The following MACROD2 variants were observed in gnomAD, a reference collection of about 807,000 sequenced individuals.
MACROD2 encodes mono-ADP ribosylhydrolase 2.
In MACROD2, 36 loss-of-function variants were observed where a neutral mutation model predicts 70.4. That is an observed-to-expected ratio of 0.51 (90% CI 0.39 to 0.68). The LOEUF is 0.68. Among genes scored for constraint, MACROD2 ranks in the 30% least tolerant of loss-of-function variants. The pLI is 0.00. For missense variants in MACROD2, 496 were observed against 538.4 expected, an observed-to-expected ratio of 0.92 and a Z score of 0.78; for synonymous variants, 172 against 178.8, an observed-to-expected ratio of 0.96 and a Z score of 0.30.
At chr20:15,255,484 A>G (rs1430902352) in intron 6 of MACROD2, among the ~76,000 whole-genome samples, 1 of 152,094 alleles carries the variant, frequency 6.6e-6, no homozygotes, top group Admixed American at 6.6e-5. Context: ...GTATTTCAAA[A>G]TGAGGGAATT....
intron 5 of MACROD2, among the ~76,000 whole-genome samples, chr20:14,777,215 C>A (rs147587853): frequency 8.5e-5 from 13 of 152,094 alleles, no homozygotes; most frequent in Non-Finnish European, 1.8e-4. Context: ...TGTTTAGCAT[C>A]TTTTCGAAAG....
intron 12 of MACROD2, among the ~76,000 whole-genome samples, chr20:15,946,021 C>T (rs1329348555): frequency 6.6e-6 from 1 of 152,106 alleles, no homozygotes; most frequent in African/African-American, 2.4e-5. Flanking sequence ...CTGCTTGGTC[C>T]ACCTCATGAC....
intron 6 of MACROD2, among the ~76,000 whole-genome samples, chr20:15,261,324 G>A (rs1326559484): frequency 6.6e-6 from 1 of 151,802 alleles, no homozygotes; most frequent in Non-Finnish European, 1.5e-5. Flanking sequence ...TTTCAAAAGG[G>A]CCACTCTAGG....
chr20:15,779,622 T>G (rs571816918), intron 8 of MACROD2, among the ~76,000 whole-genome samples: 2 of 152,208 alleles, frequency 1.3e-5, no homozygotes, highest in East Asian at 3.9e-4. Context: ...CTCAGGGAAT[T>G]TAAGGTTGTT....
At chr20:14,140,484 C>T (rs910708929) in intron 3 of MACROD2, among the ~76,000 whole-genome samples, 1 of 152,182 alleles carries the variant, frequency 6.6e-6, no homozygotes, top group African/African-American at 2.4e-5. Flanking sequence ...ATTCATACAA[C>T]TAGAAAGGGG....
intron 3 of MACROD2, among the ~76,000 whole-genome samples, chr20:14,386,812 A>G (rs1316026293): frequency 1.3e-5 from 2 of 152,160 alleles, no homozygotes; most frequent in Non-Finnish European, 2.9e-5. Context: ...GTAGCAGTGC[A>G]AGAACAGCCT....
chr20:14,436,396 CT>C, intron 3 of MACROD2, among the ~76,000 whole-genome samples: 1 of 152,328 alleles, frequency 6.6e-6, no homozygotes, highest in African/African-American at 2.4e-5. Context: ...TTTAACACCT[CT>C]CCTGCTTCCC....
chr20:14,505,338 A>G (rs2084957070), intron 4 of MACROD2, among the ~76,000 whole-genome samples: 1 of 152,216 alleles, frequency 6.6e-6, no homozygotes, highest in Non-Finnish European at 1.5e-5. Flanking sequence ...TCTGGATAAT[A>G]TTTAGATTGG....
chr20:14,768,894 C>A (rs1020809928), intron 5 of MACROD2, among the ~76,000 whole-genome samples: 4 of 152,066 alleles, frequency 2.6e-5, no homozygotes, highest in Admixed American at 1.3e-4. Context: ...TTCTAAAGAG[C>A]ACCTTGAATT....
intron 5 of MACROD2, among the ~76,000 whole-genome samples, chr20:14,777,475 G>A (rs1057278974): frequency 6.6e-6 from 1 of 151,976 alleles, no homozygotes; most frequent in African/African-American, 2.4e-5. Context: ...CTCTGCTGCT[G>A]TTTTATGGCT....
intron 8 of MACROD2, among the ~76,000 whole-genome samples, chr20:15,631,972 T>C (rs547440792): frequency 5.9e-5 from 9 of 152,204 alleles, no homozygotes; most frequent in Non-Finnish European, 1.3e-4. Flanking sequence ...ACCCCGTCTC[T>C]ACTAAAAATA....
At chr20:15,688,888 A>G (rs1212832900) in intron 8 of MACROD2, among the ~76,000 whole-genome samples, 1 of 152,232 alleles carries the variant, frequency 6.6e-6, no homozygotes, top group Non-Finnish European at 1.5e-5. Flanking sequence ...ATGCTTTTTA[A>G]TAAGCAGCTA....
chr20:14,747,651 G>T (rs1485052945), intron 5 of MACROD2, among the ~76,000 whole-genome samples: 1 of 152,024 alleles, frequency 6.6e-6, no homozygotes, highest in Non-Finnish European at 1.5e-5. Flanking sequence ...TGAGGCTCTT[G>T]CTCGGGTGGA....
intron 10 of MACROD2, among the ~76,000 whole-genome samples, chr20:15,920,352 A>G (rs1014632137): frequency 1.3e-5 from 2 of 152,222 alleles, no homozygotes; most frequent in Non-Finnish European, 2.9e-5. Flanking sequence ...ATCAGTCAAA[A>G]TGTACAACGC....
At chr20:14,618,321 T>C (rs1202916985) in intron 4 of MACROD2, among the ~76,000 whole-genome samples, 3 of 152,126 alleles carry the variant, frequency 2.0e-5, no homozygotes, top group Non-Finnish European at 4.4e-5. Context: ...GGCAGCATAG[T>C]AGAATGCTCA....
At chr20:14,515,884 G>A (rs191463777) in intron 4 of MACROD2, among the ~76,000 whole-genome samples, 4 of 151,180 alleles carry the variant, frequency 2.6e-5, no homozygotes, top group African/African-American at 7.3e-5. Flanking sequence ...AGTTGGTAAG[G>A]TGATAGATAT....
chr20:14,210,012 T>C (rs2081557705), intron 3 of MACROD2, among the ~76,000 whole-genome samples: 1 of 152,256 alleles, frequency 6.6e-6, no homozygotes, highest in Non-Finnish European at 1.5e-5. Context: ...CTTGCCTTTC[T>C]TCACAGTTTC....
intron 2 of MACROD2, among the ~76,000 whole-genome samples, chr20:14,072,441 G>A (rs1204664400): frequency 2.5e-5 from 3 of 118,442 alleles, no homozygotes; most frequent in African/African-American, 9.6e-5. Flanking sequence ...TCTTACCTGC[G>A]GAGCATGTTG....
intron 6 of MACROD2, among the ~76,000 whole-genome samples, chr20:15,281,664 C>G (rs1383878044): frequency 6.6e-6 from 1 of 152,236 alleles, no homozygotes; most frequent in East Asian, 1.9e-4. Context: ...TATGCCTTTG[C>G]AGGGTACAGC....
Sources: gnomAD v4.1 joint callset for allele counts (sites outside exome capture counted in the v4.1 genomes callset) on GRCh38, gnomAD v4.1.1 for gene constraint, MANE v1.5 for transcripts, NCBI Gene and HGNC (gene_info 2026-07-23, HGNC 2026-07-21) for gene names.